The following CSMD1 variants were observed in gnomAD, a reference collection of about 807,000 sequenced individuals.
The protein encoded by CSMD1 is CUB and Sushi multiple domains 1.
CSMD1 carries 213 observed loss-of-function variants against 417.5 expected under a neutral mutation model. That is an observed-to-expected ratio of 0.51 (90% CI 0.46 to 0.57). CSMD1 has a LOEUF of 0.57. Ranked by LOEUF, CSMD1 falls within the 20% of genes least tolerant of loss-of-function variation. The pLI is 0.00. For synonymous variants in CSMD1, 2,862 were observed against 1,736.8 expected (o/e 1.65, Z -16.11); for missense variants, 6,923 against 4,529.7 (o/e 1.53, Z -15.17).
chr8:3,630,100 T>C (rs1187298002), intron 7 of CSMD1, among the ~76,000 whole-genome samples: 3 of 152,258 alleles, frequency 2.0e-5, no homozygotes, highest in South Asian at 4.1e-4. Flanking sequence ...AAAAGAGAAA[T>C]AGAAAGTTAA....
chr8:3,033,374 G>A (rs994753347), intron 50 of CSMD1, among the ~76,000 whole-genome samples: 2 of 152,110 alleles, frequency 1.3e-5, no homozygotes, highest in African/African-American at 4.8e-5. Flanking sequence ...TGTTGTTCAT[G>A]CACTACTGAT....
chr8:3,442,736 T>C (rs552916551), intron 12 of CSMD1, among the ~76,000 whole-genome samples: 1 of 152,324 alleles, frequency 6.6e-6, no homozygotes, highest in South Asian at 2.1e-4. Flanking sequence ...CATGTATATA[T>C]ACACACACAT....
intron 3 of CSMD1, among the ~76,000 whole-genome samples, chr8:4,336,828 G>C (rs369685703): frequency 6.6e-6 from 1 of 152,076 alleles, no homozygotes; most frequent in African/African-American, 2.4e-5. Flanking sequence ...ACTAGAGATG[G>C]AATGAAGATG....
intron 30 of CSMD1, among the ~76,000 whole-genome samples, chr8:3,205,946 C>T (rs938069361): frequency 1.1e-4 from 16 of 152,092 alleles, no homozygotes; most frequent in East Asian, 3.9e-4. Context: ...GAAAGTCTCG[C>T]GGAGTTGTCT....
At chr8:3,880,445 A>G (rs1034778505) in intron 5 of CSMD1, among the ~76,000 whole-genome samples, 2 of 152,212 alleles carry the variant, frequency 1.3e-5, no homozygotes, top group African/African-American at 4.8e-5. Context: ...ATATTTATGT[A>G]AATTTTAATT....
intron 2 of CSMD1, among the ~76,000 whole-genome samples, chr8:4,589,934 C>T (rs187662800): frequency 6.6e-6 from 1 of 152,308 alleles, no homozygotes; most frequent in African/African-American, 2.4e-5. Flanking sequence ...GTCTAACCCA[C>T]ACACTGGACC....
At chr8:4,787,003 T>A (rs986768041) in intron 1 of CSMD1, among the ~76,000 whole-genome samples, 5 of 152,230 alleles carry the variant, frequency 3.3e-5, no homozygotes, top group Non-Finnish European at 7.3e-5. Flanking sequence ...AGACCCCGTG[T>A]GTGTGGCAAT....
intron 26 of CSMD1, among the ~76,000 whole-genome samples, chr8:3,244,792 C>G (rs1799773825): frequency 6.6e-6 from 1 of 152,224 alleles, no homozygotes; most frequent in African/African-American, 2.4e-5. Context: ...TGCACACCCT[C>G]CAAGCATCAT....
chr8:3,405,164 T>C (rs1483498282), intron 15 of CSMD1, among the ~76,000 whole-genome samples: 1 of 152,170 alleles, frequency 6.6e-6, no homozygotes, highest in Non-Finnish European at 1.5e-5. Context: ...GCTAACAAGA[T>C]AGACAAAAAT....
intron 63 of CSMD1, 135 bp from the exon 64 acceptor site, chr8:2,955,903 T>C (rs1206465398): frequency 7.0e-6 from 4 of 570,550 alleles, no homozygotes; most frequent in East Asian, 6.5e-5. Flanking sequence ...TATACACATA[T>C]ATATGTATAT....
chr8:4,023,145 T>G (rs1265865150), intron 4 of CSMD1, among the ~76,000 whole-genome samples: 1 of 152,146 alleles, frequency 6.6e-6, no homozygotes, highest in Non-Finnish European at 1.5e-5. Flanking sequence ...GTGGAGGAAC[T>G]GCCCATCACA....
chr8:3,948,401 G>C lies in CSMD1; in HGVS notation c.818+49502C>G, dbSNP rs116589223. ...CACTGATGCATACAGGAGAGGGAGG[G>C]AGAACAAGAAAAATAGGGGAAAGAC... On this transcript the variant is annotated intron_variant, in intron 5 of 69. Transcript: ENST00000635120. 8.6e-3 allele frequency among the ~76,000 whole-genome samples: 1,309 copies of C among 152,158 alleles called. 19 individuals are homozygous for C. Among genetic ancestry groups the C allele is most frequent in the African/African-American group, 0.029 (1,208 of 41,530 alleles).
intron 4 of CSMD1, among the ~76,000 whole-genome samples, chr8:4,025,879 G>T (rs549994098): frequency 6.6e-6 from 1 of 151,870 alleles, no homozygotes. Context: ...GAACATCACG[G>T]CTACATATAT....
At chr8:4,334,775 A>G (rs1262481837) in intron 3 of CSMD1, among the ~76,000 whole-genome samples, 1 of 152,242 alleles carries the variant, frequency 6.6e-6, no homozygotes, top group Middle Eastern at 3.4e-3. Context: ...GAATGTAGGC[A>G]TTTTAGTCTG....
At chr8:3,026,770 T>C (rs1809962567) in intron 51 of CSMD1, among the ~76,000 whole-genome samples, 1 of 152,242 alleles carries the variant, frequency 6.6e-6, no homozygotes, top group African/African-American at 2.4e-5. Context: ...TGACTAGTTA[T>C]GCAGCAATCA....
chr8:3,592,668 G>C (rs1417284378), intron 8 of CSMD1, among the ~76,000 whole-genome samples: 1 of 128,540 alleles, frequency 7.8e-6, no homozygotes, highest in Non-Finnish European at 1.5e-5. Context: ...ACGTGTGTGT[G>C]CACATCCGTG....
At chr8:3,940,304 T>C (rs1359287861) in intron 5 of CSMD1, among the ~76,000 whole-genome samples, 3 of 152,112 alleles carry the variant, frequency 2.0e-5, no homozygotes, top group Admixed American at 6.6e-5. Flanking sequence ...GGTGAATTTA[T>C]ATATACACTT....
At chr8:3,666,109 T>G (rs1368671717) in intron 7 of CSMD1, among the ~76,000 whole-genome samples, 1 of 152,212 alleles carries the variant, frequency 6.6e-6, no homozygotes, top group Non-Finnish European at 1.5e-5. Context: ...TTGGCCAGGC[T>G]GGTCTTGAAC....
intron 3 of CSMD1, among the ~76,000 whole-genome samples, chr8:4,197,431 T>C (rs7841156): frequency 0.1 from 15,894 of 152,216 alleles, 1,163 homozygotes; most frequent in African/African-American, 0.19. Context: ...GTAAAGCAGA[T>C]TTCCTTCTGT....
Sources: gnomAD v4.1 joint callset for allele counts (sites outside exome capture counted in the v4.1 genomes callset) on GRCh38, gnomAD v4.1.1 for gene constraint, MANE v1.5 for transcripts, NCBI Gene and HGNC (gene_info 2026-07-23, HGNC 2026-07-21) for gene names.